The following SERINC5 variants were observed in gnomAD, a reference collection of about 807,000 sequenced individuals.
SERINC5 encodes the protein serine incorporator 5.
Under a neutral mutation model 63.1 loss-of-function variants are expected in SERINC5, and 41 were observed. The observed-to-expected ratio is 0.65, with a 90% CI of 0.51 to 0.84. SERINC5 has a LOEUF of 0.84. Ranked by LOEUF, SERINC5 falls within the 40% of genes least tolerant of loss-of-function variation. SERINC5 has a pLI of 0.00. For missense variants in SERINC5, 523 were observed against 573.0 expected, an observed-to-expected ratio of 0.91 and a Z score of 0.89; for synonymous variants, 222 against 215.2, an observed-to-expected ratio of 1.03 and a Z score of -0.28.
intron 1 of SERINC5, among the ~76,000 whole-genome samples, chr5:80,248,645 C>T (rs1317121959): frequency 6.6e-6 from 1 of 152,104 alleles, no homozygotes; most frequent in Non-Finnish European, 1.5e-5. Flanking sequence ...AATTATAGGG[C>T]ACTTTACTGC....
chr5:80,247,891 A>C (rs1471313794), intron 1 of SERINC5, among the ~76,000 whole-genome samples: 1 of 152,180 alleles, frequency 6.6e-6, no homozygotes, highest in East Asian at 1.9e-4. Context: ...TCTGTCACCC[A>C]GGCTGGAGTG....
chr5:80,196,477 G>A (rs538965399), intron 2 of SERINC5, among the ~76,000 whole-genome samples: 19 of 152,162 alleles, frequency 1.2e-4, no homozygotes, highest in African/African-American at 2.4e-4. Flanking sequence ...ATAATATGGC[G>A]GTTCCTCAAG....
Position 80,139,677 on chromosome 5 carries a change from C to T in SERINC5, c.*3986G>A, listed in dbSNP as rs779353003. On this transcript the variant is annotated 3_prime_UTR_variant, in exon 12 of 12. Coordinates refer to ENST00000507668, the MANE Select transcript of SERINC5 (RefSeq NM_001174072.3). ...AAGTCAAAGGCCCAACATTACAGAG[C>T]GCACCTCTGCCTGAAATACAAAACT... The T allele has an allele frequency of 1.2e-4, 117 of 985,066 alleles. No individual in the cohort carries two copies. The highest frequency in any genetic ancestry group is 2.3e-4 in the East Asian group (2 of 8,818). 61.0% of individuals were successfully genotyped at this position (985,066 alleles called of 1,614,324 possible).
intron 1 of SERINC5, among the ~76,000 whole-genome samples, chr5:80,233,029 T>C (rs1453439148): frequency 6.6e-6 from 1 of 152,340 alleles, no homozygotes; most frequent in East Asian, 1.9e-4. Flanking sequence ...TAAGTTGTCA[T>C]GATGGTTCCA....
chr5:80,167,391 C>T (rs55859452), intron 6 of SERINC5, among the ~76,000 whole-genome samples: 28,379 of 152,124 alleles, frequency 0.19, 2,752 homozygotes, highest in South Asian at 0.31. Flanking sequence ...GCCCCATCCA[C>T]GTTCCTGCAA....
intron 5 of SERINC5, among the ~76,000 whole-genome samples, chr5:80,173,090 A>AC (rs1368827219): frequency 6.6e-6 from 1 of 151,984 alleles, no homozygotes; most frequent in Non-Finnish European, 1.5e-5. Flanking sequence ...AATTATCCCA[A>AC]CCTCAGAAAA....
chr5:80,236,847 C>T (rs570418680), intron 1 of SERINC5, among the ~76,000 whole-genome samples: 1 of 148,636 alleles, frequency 6.7e-6, no homozygotes, highest in African/African-American at 2.5e-5. Context: ...TTTTTCTTTT[C>T]TTTTCTTTTT....
intron 7 of SERINC5, among the ~76,000 whole-genome samples, chr5:80,165,226 G>A (rs1747211276): frequency 6.6e-6 from 1 of 151,872 alleles, no homozygotes; most frequent in Non-Finnish European, 1.5e-5. Flanking sequence ...TCCAGGTTAG[G>A]CAATAGTTAC....
chr5:80,148,777 A>G (rs1384367119), intron 9 of SERINC5, among the ~76,000 whole-genome samples: 1 of 152,198 alleles, frequency 6.6e-6, no homozygotes, highest in African/African-American at 2.4e-5. Context: ...GTGGCTGAAG[A>G]TATTTCAACT....
intron 2 of SERINC5, among the ~76,000 whole-genome samples, chr5:80,188,176 G>A (rs1368715865): frequency 6.6e-6 from 1 of 151,496 alleles, no homozygotes; most frequent in African/African-American, 2.4e-5. Context: ...CCAGCTACTC[G>A]GGAGGCTGAG....
chr5:80,131,214 G>A lies in SERINC5; in HGVS notation c.1238+14876C>T, dbSNP rs575121072. On this transcript the variant is annotated intron_variant, in intron 11 of 12. Transcript: ENST00000509193. ...CATGGGACTGGGTCTTTCCCATGCT[G>A]TTCTCATAGTGGTAAATAAGTCTCA... is the stretch of plus-strand genomic sequence containing the variant. Among the ~76,000 whole-genome samples, 3 of 152,200 alleles carry A rather than the reference G, an allele frequency of 2.0e-5. No individual in the cohort carries two copies. In the South Asian group the frequency reaches 6.2e-4, roughly 32 times the overall value.
At chr5:80,122,806 G>C (rs1373345012) in intron 11 of SERINC5, among the ~76,000 whole-genome samples, 4 of 152,226 alleles carry the variant, frequency 2.6e-5, no homozygotes, top group Admixed American at 1.3e-4. Flanking sequence ...AGTGGCCCTT[G>C]CCTAACAGTC....
chr5:80,196,318 TCA>T (rs1462273454), intron 2 of SERINC5, among the ~76,000 whole-genome samples: 4 of 151,934 alleles, frequency 2.6e-5, no homozygotes, highest in Admixed American at 2.0e-4. Flanking sequence ...GATGACCACC[TCA>T]CACACACTAT....
At chr5:80,200,080 C>T (rs1749732647) in intron 2 of SERINC5, among the ~76,000 whole-genome samples, 1 of 152,044 alleles carries the variant, frequency 6.6e-6, no homozygotes, top group Admixed American at 6.6e-5. Flanking sequence ...ATCGATTGAG[C>T]CTGGGAGGTC....
intron 2 of SERINC5, among the ~76,000 whole-genome samples, chr5:80,190,573 A>C (rs949001875): frequency 6.6e-6 from 1 of 152,242 alleles, no homozygotes; most frequent in Non-Finnish European, 1.5e-5. Context: ...GCTGTGAATA[A>C]AACAGTTTAA....
downstream of SERINC5, among the ~76,000 whole-genome samples, chr5:80,134,283 C>A (rs140818144): frequency 1.3e-5 from 2 of 151,968 alleles, no homozygotes. Context: ...ATCAGGAGTT[C>A]GAGACCAGCC....
At position 80,140,029 on chromosome 5, in the gene SERINC5, CT is replaced by C; in HGVS notation, c.*3633del. The C allele has an allele frequency of 1.0e-6, 1 of 985,314 alleles. No individual in the cohort carries two copies. The highest frequency in any genetic ancestry group is 1.2e-6 in the Non-Finnish European group (1 of 829,916). 61.0% of individuals were successfully genotyped at this position (985,314 alleles called of 1,614,324 possible). Reference sequence around the variant, plus strand: ...GGCAAAAATTAAATAAATACATCATCTTAAAAAGGCAGAGGGTAGGCTGCGT... The same window carrying C: ...GGCAAAAATTAAATAAATACATCATCTAAAAAGGCAGAGGGTAGGCTGCGT... On this transcript the variant is annotated 3_prime_UTR_variant, in exon 12 of 12. Transcript: ENST00000507668.
intron 11 of SERINC5, chr5:80,116,206 T>A: frequency 2.3e-6 from 1 of 436,076 alleles, no homozygotes; most frequent in South Asian, 1.6e-5. Context: ...CTGTATTCAA[T>A]CATCTTTTCA....
chr5:80,243,743 T>TTAAATAAATAAATAAATAAATAAA (rs70982044), intron 1 of SERINC5, among the ~76,000 whole-genome samples: 1 of 140,052 alleles, frequency 7.1e-6, no homozygotes, highest in Non-Finnish European at 1.5e-5. Flanking sequence ...CTGTCTCTAT[T>TTAAATAAATAAATAAATAAATAAA]TAAATAAATA....
Sources: allele counts gnomAD v4.1 joint callset (sites outside exome capture counted in the v4.1 genomes callset), GRCh38; gene constraint gnomAD v4.1.1; transcripts MANE v1.5; gene names NCBI Gene and HGNC (gene_info 2026-07-23, HGNC 2026-07-21).